DMD: variants seen among roughly 807,000 people sequenced by gnomAD.
DMD encodes the protein dystrophin.
DMD carries 63 observed loss-of-function variants against 330.1 expected under a neutral mutation model. The ratio of observed to expected loss-of-function variants is 0.19; its 90% CI spans 0.16 to 0.24. DMD has a LOEUF of 0.24. DMD is among the 10% of genes least tolerant of loss of function. The pLI is 1.00. For synonymous variants in DMD, 1,223 were observed against 959.8 expected, an observed-to-expected ratio of 1.27 and a Z score of -5.07; for missense variants, 3,344 against 2,684.1, an observed-to-expected ratio of 1.25 and a Z score of -5.43.
intron 60 of DMD, among the ~76,000 whole-genome samples, chrX:31,413,881 C>G (rs1422160383): frequency 2.8e-5 from 3 of 108,350 alleles, no homozygotes; most frequent in African/African-American, 1.0e-4. Flanking sequence ...AAAAAAAAAG[C>G]CTACAATATT....
At chrX:31,684,300 T>G (rs1466662040) in intron 52 of DMD, among the ~76,000 whole-genome samples, 1 of 111,999 alleles carries the variant, frequency 8.9e-6, no homozygotes, top group Non-Finnish European at 1.9e-5. Flanking sequence ...ATGGAAAACT[T>G]GAGTATGAAT....
At position 32,595,641 on chromosome X, in the gene DMD, A is replaced by G. The variant is rs2055431427; in HGVS notation, c.1602+116T>C. ...GATTATGAGTGTGTGTATATTGTAC[A>G]CATATTGTATTCTAAGTATTTTAAT... On this transcript the variant is annotated intron_variant, in intron 13 of 78. Coordinates refer to ENST00000357033, the MANE Select transcript of DMD (RefSeq NM_004006.3). 1.1e-5 allele frequency: 8 copies of G among 709,002 alleles called. No homozygotes were observed. The South Asian group carries it at 1.4e-4, about 13-fold the overall frequency. The allele number at this position is 709,002 out of a possible 1,213,427, so 58.4% of individuals were successfully genotyped here. A position where few individuals can be genotyped will look rare whatever the true frequency, so the allele number is the denominator to read the frequency against.
chrX:32,930,938 T>A (rs1396859594), intron 2 of DMD, among the ~76,000 whole-genome samples: 3 of 108,460 alleles, frequency 2.8e-5, no homozygotes, highest in Non-Finnish European at 5.7e-5. Flanking sequence ...AACTCAAGTC[T>A]ATGCATATAT....
At position 32,380,611 on chromosome X, in the gene DMD, C is replaced by A; in HGVS notation, c.4744G>T (p.Val1582Phe). Reference protein sequence around the residue: ...LSRKMRKEMNVLTEWLAATDM... With the variant: ...LSRKMRKEMNFLTEWLAATDM... ...GTAGCTGCCAGCCATTCTGTCAAGA[C>A]ATTCATTTCCTTTCGCATCTTACGG... The change falls in exon 34 of 79, where the codon GTC (valine) becomes TTC (phenylalanine). Residue 1582 changes from valine (V) to phenylalanine (F), a missense_variant. Transcript: ENST00000357033. The A allele has an allele frequency of 8.3e-7, 1 of 1,209,919 alleles. No individual in the cohort carries two copies. The highest frequency in any genetic ancestry group is 3.0e-5 in the East Asian group (1 of 33,768).
At chrX:32,405,189 C>T in intron 30 of DMD, among the ~76,000 whole-genome samples, 1 of 111,851 alleles carries the variant, frequency 8.9e-6, no homozygotes. Context: ...TCCAAAAATT[C>T]TGAAGACCAA....
At chrX:31,125,447 T>C (rs975489255) in intron 78 of DMD, among the ~76,000 whole-genome samples, 1 of 111,970 alleles carries the variant, frequency 8.9e-6, no homozygotes, top group Non-Finnish European at 1.9e-5. Flanking sequence ...ACGACTCCTG[T>C]GTTTAAATGA....
chrX:31,220,383 A>G (rs1946712844), intron 64 of DMD, among the ~76,000 whole-genome samples: 1 of 111,475 alleles, frequency 9.0e-6, no homozygotes, highest in Non-Finnish European at 1.9e-5. Context: ...ATCTCACCAA[A>G]GTTACTAGGG....
chrX:31,901,912 C>CAT (rs1187035740), intron 47 of DMD, among the ~76,000 whole-genome samples: 1 of 108,889 alleles, frequency 9.2e-6, no homozygotes, highest in Non-Finnish European at 1.9e-5. Flanking sequence ...AGATAATTAA[C>CAT]ATATGCATTA....
At chrX:32,805,958 A>T (rs1019145072) in intron 7 of DMD, among the ~76,000 whole-genome samples, 3 of 112,202 alleles carry the variant, frequency 2.7e-5, no homozygotes, top group African/African-American at 9.7e-5. Flanking sequence ...AGGACAAACC[A>T]GTACCAGCCA....
At chrX:32,369,862 T>C (rs2097867251) in intron 34 of DMD, among the ~76,000 whole-genome samples, 1 of 111,361 alleles carries the variant, frequency 9.0e-6, no homozygotes, top group East Asian at 2.8e-4. Flanking sequence ...CATTTCCTTA[T>C]AGATTCCTCC....
intron 55 of DMD, among the ~76,000 whole-genome samples, chrX:31,583,476 G>A (rs1248533248): frequency 9.0e-6 from 1 of 110,995 alleles, no homozygotes; most frequent in Non-Finnish European, 1.9e-5. Context: ...AGCTGAGTCA[G>A]GCAATTTGGC....
intron 1 of DMD, among the ~76,000 whole-genome samples, chrX:33,166,622 T>C (rs1039378666): frequency 3.1e-4 from 34 of 111,325 alleles, no homozygotes; most frequent in African/African-American, 1.1e-3. Flanking sequence ...GTGTGTTACC[T>C]GATTTATGCA....
intron 2 of DMD, among the ~76,000 whole-genome samples, chrX:32,999,142 C>G (rs745491886): frequency 1.8e-5 from 2 of 112,246 alleles, no homozygotes; most frequent in Non-Finnish European, 3.8e-5. Flanking sequence ...AAATTGATCG[C>G]GATAGCAGTA....
intron 9 of DMD, among the ~76,000 whole-genome samples, chrX:32,667,330 T>C (rs961640069): frequency 4.8e-4 from 54 of 111,768 alleles, no homozygotes; most frequent in African/African-American, 1.6e-3. Flanking sequence ...CACACTTTTG[T>C]GTGATTATAC....
intron 41 of DMD, among the ~76,000 whole-genome samples, chrX:32,323,168 A>T (rs2097628866): frequency 8.9e-6 from 1 of 112,114 alleles, no homozygotes; most frequent in Non-Finnish European, 1.9e-5. Context: ...TAGCATTTAC[A>T]TTGTATTGGG....
At position 32,051,882 on chromosome X, in the gene DMD, G is replaced by A. The variant is rs984920772; in HGVS notation, c.6439-83368C>T. On this transcript the variant is annotated intron_variant, in intron 44 of 78. Transcript: ENST00000357033. ...CACAAGCAAACCCTAAGTGGGAGAT[G>A]CAAGTACACCTTGTTCTTTAAACTC... Among the ~76,000 whole-genome samples, 8 of 111,218 alleles carry A rather than the reference G, an allele frequency of 7.2e-5. No homozygotes were observed. The East Asian group carries it at 2.0e-3, about 28-fold the overall frequency.
In DMD at chrX:32,999,774, T is replaced by TCAAAAACAAAAACAAAAA. The variant is rs59195554; in HGVS notation, c.93+20347_93+20364dup. On this transcript the variant is annotated intron_variant, in intron 2 of 78. Transcript: ENST00000357033. ...CTGGGTGACAGAGCGAGACTCCATC[T>TCAAAAACAAAAACAAAAA]CAAAAACAAAAACAAAAACAAAAAC... 1.8e-4 allele frequency among the ~76,000 whole-genome samples: 17 copies of TCAAAAACAAAAACAAAAA among 93,070 alleles called. No individual in the cohort carries two copies. The South Asian group carries it at 2.1e-3, about 11-fold the overall frequency. The allele number at this position is 93,070 out of a possible 115,157, so 80.8% of individuals were successfully genotyped here.
At chrX:31,915,776 T>A (rs754252682) in intron 47 of DMD, among the ~76,000 whole-genome samples, 41 of 111,991 alleles carry the variant, frequency 3.7e-4, no homozygotes, top group Non-Finnish European at 6.2e-4. Context: ...CAGGATTAGT[T>A]GATTAGAAAT....
chrX:32,930,258 C>T (rs1279971345), intron 2 of DMD, among the ~76,000 whole-genome samples: 1 of 111,096 alleles, frequency 9.0e-6, no homozygotes, highest in African/African-American at 3.3e-5. Flanking sequence ...GTTTCCACAG[C>T]ATGAGTATCA....
Sources: allele counts gnomAD v4.1 joint callset (sites outside exome capture counted in the v4.1 genomes callset), GRCh38; gene constraint gnomAD v4.1.1; transcripts MANE v1.5; gene names NCBI Gene and HGNC (gene_info 2026-07-23, HGNC 2026-07-21).